ERCC6: variants seen among roughly 807,000 people sequenced by gnomAD.
The protein encoded by ERCC6 is DNA excision repair protein ERCC-6.
A neutral mutation model predicts 158.7 loss-of-function variants in ERCC6; 116 were observed. The ratio of observed to expected loss-of-function variants is 0.73; its 90% confidence interval spans 0.63 to 0.85. The LOEUF (loss-of-function observed/expected upper bound fraction) is 0.85, where lower values mean the gene tolerates loss of function less well. Among genes scored for constraint, ERCC6 ranks in the 40% least tolerant of loss-of-function variants. ERCC6 has a pLI of 0.00. For synonymous variants in ERCC6, 678 were observed against 659.3 expected (o/e 1.03, Z -0.43); for missense variants, 1,698 against 1,799.4 (o/e 0.94, Z 1.02).
At chr10:49,497,798 C>T (rs1378733480) in intron 7 of ERCC6, among the ~76,000 whole-genome samples, 1 of 152,132 alleles carries the variant, frequency 6.6e-6, no homozygotes, top group Non-Finnish European at 1.5e-5. Context: ...CATTGATTAC[C>T]TAATAAATTT....
chr10:49,475,557 T>C, intron 12 of ERCC6: 1 of 335,414 alleles, frequency 3.0e-6, no homozygotes, highest in Non-Finnish European at 5.9e-6. Context: ...AGAACTGAAA[T>C]GACCTAATCA....
In ERCC6 at chr10:49,515,878, A is replaced by G. The variant is rs182482818; in HGVS notation, c.1397+8155T>C. On this transcript the variant is annotated intron_variant, in intron 5 of 20. Transcript: ENST00000355832. Reference sequence around the variant, plus strand: ...ACAGTGACAACACTGTTATCATTCCATCTGCAGACAATATTGCCTTTGCCA... The same window carrying G: ...ACAGTGACAACACTGTTATCATTCCGTCTGCAGACAATATTGCCTTTGCCA... 1.9e-6 allele frequency: 3 copies of G among 1,614,200 alleles called. No homozygotes were observed. In the African/African-American group the frequency reaches 4.0e-5, roughly 22 times the overall value.
intron 5 of ERCC6, among the ~76,000 whole-genome samples, chr10:49,514,865 G>C (rs1220301316): frequency 6.6e-6 from 1 of 152,140 alleles, no homozygotes; most frequent in Non-Finnish European, 1.5e-5. Flanking sequence ...TGAGATACTT[G>C]GTGTTTTACT....
intron 2 of ERCC6, among the ~76,000 whole-genome samples, chr10:49,532,188 AG>A (rs1369133869): frequency 1.3e-5 from 2 of 152,218 alleles, no homozygotes; most frequent in Non-Finnish European, 2.9e-5. Context: ...AAAAATGTGA[AG>A]GGGGCGCAAT....
At chr10:49,509,780 A>G (rs1011026018) in intron 5 of ERCC6, among the ~76,000 whole-genome samples, 3 of 152,180 alleles carry the variant, frequency 2.0e-5, no homozygotes, top group Non-Finnish European at 4.4e-5. Context: ...GAAAAAGCAG[A>G]AGGGGGCAGT....
At chr10:49,538,601 C>T (rs929643222) in intron 1 of ERCC6, among the ~76,000 whole-genome samples, 2 of 152,324 alleles carry the variant, frequency 1.3e-5, no homozygotes, top group African/African-American at 4.8e-5. Flanking sequence ...CCCAAAACGT[C>T]GGACGTACAT....
chr10:49,510,996 T>C (rs1258853197), intron 5 of ERCC6, among the ~76,000 whole-genome samples: 2 of 151,370 alleles, frequency 1.3e-5, no homozygotes, highest in African/African-American at 2.4e-5. Context: ...AAGTTCTTAA[T>C]TTAGAATCTT....
intron 6 of ERCC6, chr10:49,502,463 C>T (rs1851371761): frequency 6.6e-6 from 1 of 152,204 alleles, no homozygotes; most frequent in African/African-American, 2.4e-5. Context: ...AAGGAACCAA[C>T]TGCTGAGGAG....
In ERCC6 at chr10:49,532,661, G is replaced by C. The variant is rs1339834464; in HGVS notation, c.304C>G (p.Gln102Glu). The C allele has an allele frequency of 1.9e-6, 3 of 1,614,052 alleles. No homozygotes were observed. Among genetic ancestry groups the C allele is most frequent in the Admixed American group, 1.7e-5 (1 of 60,002 alleles). The change falls in exon 2 of 21, where the codon CAG becomes GAG. Residue 102 changes from glutamine (Q) to glutamate (E), a missense_variant. Gln to Glu is a conservative substitution (Grantham distance 29). Coordinates refer to ENST00000355832, the MANE Select transcript of ERCC6 (RefSeq NM_000124.4). The part of the protein sequence containing the change: ...LQGLGVDVYD[Q>E]DVLEQGVLQQ... ...AGCACTCCCTGTTCCAGCACGTCCT[G>C]GTCATAGACGTCCACACCCAAACCC... is the stretch of plus-strand genomic sequence containing the variant.
intron 19 of ERCC6, 130 bp downstream of exon 19, chr10:49,461,222 G>T: frequency 1.0e-6 from 1 of 985,590 alleles, no homozygotes; most frequent in Non-Finnish European, 1.6e-6. Flanking sequence ...AGATTTTGCT[G>T]CTATAATCCC....
At chr10:49,499,369 AACTCTGGAG>A (rs1677889391) in intron 7 of ERCC6, among the ~76,000 whole-genome samples, 1 of 152,246 alleles carries the variant, frequency 6.6e-6, no homozygotes, top group African/African-American at 2.4e-5. Context: ...TAAAACACTA[AACTCTGGAG>A]ACTAAAGAAA....
chr10:49,513,361 A>C (rs1166860995), intron 5 of ERCC6, among the ~76,000 whole-genome samples: 1 of 152,236 alleles, frequency 6.6e-6, no homozygotes, highest in Non-Finnish European at 1.5e-5. Flanking sequence ...TAATTGGGTC[A>C]GAAAACAAAT....
Position 49,457,034 on chromosome 10 carries a change from T to C in ERCC6, c.*1781A>G, listed in dbSNP as rs1191047892. On this transcript the variant is annotated 3_prime_UTR_variant, in exon 21 of 21. Coordinates refer to ENST00000355832, the MANE Select transcript of ERCC6 (RefSeq NM_000124.4). ...TCAATACAGTTTATGTTTCAGACACTATAAGTATGATACCCAAATGCTTCA... is the reference window on the plus strand; with the variant it reads ...TCAATACAGTTTATGTTTCAGACACCATAAGTATGATACCCAAATGCTTCA... The C allele has an allele frequency of 1.3e-5, 2 of 152,184 alleles. No individual in the cohort carries two copies. Among genetic ancestry groups the C allele is most frequent in the Admixed American group, 1.3e-4 (2 of 15,278 alleles). The allele number at this position is 152,184 out of a possible 1,614,324, so 9.4% of individuals were successfully genotyped here.
intron 1 of ERCC6, among the ~76,000 whole-genome samples, 166 bp downstream of exon 1, chr10:49,538,796 C>T (rs1411845444): frequency 2.0e-5 from 3 of 152,350 alleles, no homozygotes; most frequent in East Asian, 3.9e-4. Context: ...CAGGTGAGGC[C>T]GCCGGAAGCG....
At chr10:49,530,868 T>G (rs1837454031) in intron 2 of ERCC6, 28 bp from the exon 3 acceptor site, 1 of 1,610,552 alleles carries the variant, frequency 6.2e-7, no homozygotes, top group African/African-American at 1.3e-5. Context: ...TTGTCTATTT[T>G]GCACTCTGAT....
At chr10:49,496,036 A>G (rs1851261044) in intron 7 of ERCC6, among the ~76,000 whole-genome samples, 1 of 152,162 alleles carries the variant, frequency 6.6e-6, no homozygotes, top group Admixed American at 6.5e-5. Context: ...TCTCACTGCC[A>G]TTATCCTACC....
In ERCC6 at chr10:49,460,375, G is replaced by T. The variant is rs1223670390; in HGVS notation, c.4060C>A (p.Gln1354Lys). The change falls in exon 20 of 21, where the codon CAG (glutamine) becomes AAG (lysine). Residue 1354 changes from glutamine to lysine, a missense_variant and splice_region_variant. Transcript: ENST00000355832. ...PSSTSPTEKCQDGIMKKEGKD... is the reference protein window; with the variant it reads ...PSSTSPTEKCKDGIMKKEGKD... Reference sequence around the variant, plus strand: ...AGCAAAAAGGTTATCTATATTACCTGGCACTTCTCTGTTGGAGATGTTGAT... The same window carrying T: ...AGCAAAAAGGTTATCTATATTACCTTGCACTTCTCTGTTGGAGATGTTGAT... The T allele has an allele frequency of 6.2e-7, 1 of 1,609,056 alleles. No individual in the cohort carries two copies. Among genetic ancestry groups the T allele is most frequent in the African/African-American group, 1.3e-5 (1 of 74,790 alleles).
At position 49,516,573 on chromosome 10, in the gene ERCC6, T is replaced by G. The variant is rs374519405; in HGVS notation, c.1397+7460A>C. The G allele has an allele frequency of 3.7e-6, 6 of 1,613,806 alleles. No individual in the cohort carries two copies. The African/African-American group carries it at 8.0e-5, about 22-fold the overall frequency. The stretch of plus-strand genomic sequence containing the variant: ...CAGAAAAATAATTCCCAGAAAACAT[T>G]TGAATTCAGAGCTAGTCAAGCCAAG... On this transcript the variant is annotated intron_variant, in intron 5 of 20. Transcript: ENST00000355832.
chr10:49,459,721 TA>T (rs904371430), intron 20 of ERCC6, among the ~76,000 whole-genome samples: 1 of 152,100 alleles, frequency 6.6e-6, no homozygotes, highest in African/African-American at 2.4e-5. Flanking sequence ...CAACTTGCCT[TA>T]AAAAAACACA....
Sources: allele counts gnomAD v4.1 joint callset (sites outside exome capture counted in the v4.1 genomes callset), GRCh38; gene constraint gnomAD v4.1.1; transcripts MANE v1.5; gene names NCBI Gene and HGNC (gene_info 2026-07-23, HGNC 2026-07-21).